Variants in PTPRD observed in about 807,000 individuals in gnomAD.
The protein encoded by PTPRD is protein tyrosine phosphatase receptor type D.
Under a neutral mutation model 214.5 loss-of-function variants are expected in PTPRD, and 34 were observed. The ratio of observed to expected loss-of-function variants is 0.16; its 90% confidence interval spans 0.12 to 0.21. The LOEUF is 0.21. Ranked by LOEUF, PTPRD falls within the 10% of genes least tolerant of loss-of-function variation. The probability of loss-of-function intolerance (pLI) is 1.00; values close to 1 mark genes in which losing one functional copy is unlikely to be tolerated. For synonymous variants in PTPRD, 1,128 were observed against 845.7 expected (o/e 1.33, Z -5.79); for missense variants, 2,545 against 2,398.7 (o/e 1.06, Z -1.27).
In PTPRD at chr9:9,104,800, A is replaced by C. The variant is rs1216885630; in HGVS notation, c.-143+78504T>G. 5.3e-5 allele frequency among the ~76,000 whole-genome samples: 8 copies of C among 152,294 alleles called. No homozygotes were observed. In the East Asian group the frequency reaches 1.5e-3, roughly 29 times the overall value. ...TATCGCTCCACATTCAATGCTAAGC[A>C]CTTTCCTATGCACTCGGGAAACAGG... On this transcript the variant is annotated intron_variant, in intron 10 of 45. Coordinates refer to ENST00000381196, the MANE Select transcript of PTPRD (RefSeq NM_002839.4).
chr9:9,157,700 CT>C (rs1016986430), intron 10 of PTPRD, among the ~76,000 whole-genome samples: 7 of 152,012 alleles, frequency 4.6e-5, no homozygotes, highest in African/African-American at 1.7e-4. Context: ...ATTTTCTTCC[CT>C]TTTCTTTTTT....
Position 10,373,789 on chromosome 9 carries a change from C to T in PTPRD, c.-599-32772G>A, listed in dbSNP as rs374767492. Among the ~76,000 whole-genome samples the T allele has an allele frequency of 1.8e-4, 27 of 152,190 alleles. 1 individual carries two copies. The highest frequency in any genetic ancestry group is 5.5e-4 in the African/African-American group (23 of 41,540). On this transcript the variant is annotated intron_variant, in intron 2 of 45. Transcript: ENST00000381196. ...GTAAAAATCAGAAGATTTGTCAATA[C>T]CAAACCCATGTTTCAACATGTCAAC...
At chr9:8,718,986 C>T (rs1003070620) in intron 12 of PTPRD, among the ~76,000 whole-genome samples, 2 of 152,168 alleles carry the variant, frequency 1.3e-5, no homozygotes, top group Non-Finnish European at 1.5e-5. Context: ...ATAATGTGAT[C>T]AAATTCACCA....
At chr9:9,959,912 G>A (rs929064812) in intron 4 of PTPRD, among the ~76,000 whole-genome samples, 1 of 152,128 alleles carries the variant, frequency 6.6e-6, no homozygotes, top group Non-Finnish European at 1.5e-5. Context: ...TTTACATATA[G>A]AGATATTTTA....
At chr9:9,120,589 T>C (rs185376264) in intron 10 of PTPRD, among the ~76,000 whole-genome samples, 4 of 152,354 alleles carry the variant, frequency 2.6e-5, no homozygotes, top group Admixed American at 2.6e-4. Flanking sequence ...GGTGGTATTC[T>C]ATAAGCTACC....
At chr9:9,704,905 ACT>A (rs1210206353) in intron 7 of PTPRD, among the ~76,000 whole-genome samples, 2 of 152,224 alleles carry the variant, frequency 1.3e-5, no homozygotes, top group African/African-American at 4.8e-5. Context: ...TAATCACTCA[ACT>A]GAGGCCTGTC....
At chr9:8,467,022 T>C (rs898738298) in intron 31 of PTPRD, among the ~76,000 whole-genome samples, 3 of 151,880 alleles carry the variant, frequency 2.0e-5, no homozygotes, top group African/African-American at 7.2e-5. Flanking sequence ...GAGTAGTAAA[T>C]GTGTTCAGCT....
At chr9:8,627,229 A>G (rs375732877) in intron 14 of PTPRD, among the ~76,000 whole-genome samples, 4 of 151,800 alleles carry the variant, frequency 2.6e-5, no homozygotes, top group African/African-American at 9.7e-5. Context: ...TTCCAGGACA[A>G]TATCTTGTAT....
intron 7 of PTPRD, among the ~76,000 whole-genome samples, chr9:9,712,871 A>G (rs1341501597): frequency 6.6e-6 from 1 of 152,212 alleles, no homozygotes; most frequent in East Asian, 1.9e-4. Flanking sequence ...TTAATAGGTT[A>G]TGTTATTGCT....
intron 10 of PTPRD, among the ~76,000 whole-genome samples, chr9:9,037,556 C>G (rs996795385): frequency 6.6e-6 from 1 of 152,170 alleles, no homozygotes; most frequent in East Asian, 1.9e-4. Context: ...AAATTACTCT[C>G]TCAACCGCTA....
chr9:9,484,865 T>A (rs1417649455), intron 8 of PTPRD, among the ~76,000 whole-genome samples: 1 of 152,144 alleles, frequency 6.6e-6, no homozygotes, highest in East Asian at 1.9e-4. Context: ...TAGAGAAGCT[T>A]CATGTAACAG....
rs78832641 is a variant in PTPRD, at chr9:8,899,170, A to G, written c.-104+119527T>C. ...TTTATCTGCTGGGCAGGGCTTATAA[A>G]GCCATCTTGCATTTGCTACAGAGGC... On this transcript the variant is annotated intron_variant, in intron 11 of 45. Coordinates refer to ENST00000381196, the MANE Select transcript of PTPRD (RefSeq NM_002839.4). Among the ~76,000 whole-genome samples, 803 of 152,310 alleles carry G rather than the reference A, an allele frequency of 5.3e-3. 13 individuals are homozygous for G. Among genetic ancestry groups the G allele is most frequent in the African/African-American group, 0.018 (753 of 41,578 alleles).
chr9:8,433,089 G>T (rs564950481), intron 35 of PTPRD, among the ~76,000 whole-genome samples: 5 of 152,172 alleles, frequency 3.3e-5, no homozygotes, highest in Non-Finnish European at 7.3e-5. Flanking sequence ...TGGTTTTATA[G>T]CCATGTGCTG....
At chr9:9,462,484 A>C (rs1015703961) in intron 8 of PTPRD, among the ~76,000 whole-genome samples, 1 of 152,166 alleles carries the variant, frequency 6.6e-6, no homozygotes, top group African/African-American at 2.4e-5. Flanking sequence ...TGCACTTAAA[A>C]TTATTTTAGA....
intron 2 of PTPRD, among the ~76,000 whole-genome samples, chr9:10,351,626 C>A (rs2097184450): frequency 1.3e-5 from 2 of 150,110 alleles, no homozygotes; most frequent in South Asian, 2.1e-4. Context: ...TAATACTGGG[C>A]AATCAGAGGT....
At chr9:10,374,587 T>C (rs981871354) in intron 2 of PTPRD, among the ~76,000 whole-genome samples, 13 of 152,028 alleles carry the variant, frequency 8.6e-5, no homozygotes, top group African/African-American at 3.1e-4. Flanking sequence ...TGAATTGGAA[T>C]TGAATTGGAG....
chr9:8,329,280 TCTCTGCTGTAG>T (rs1219298138), intron 44 of PTPRD, among the ~76,000 whole-genome samples: 2 of 152,242 alleles, frequency 1.3e-5, no homozygotes, highest in Middle Eastern at 3.4e-3. Context: ...CACCCAGGCC[TCTCTGCTGTAG>T]GTTTGCTGGA....
chr9:10,354,051 T>C lies in PTPRD; in HGVS notation c.-599-13034A>G, dbSNP rs1045673069. On this transcript the variant is annotated intron_variant, in intron 2 of 45. Coordinates refer to ENST00000381196, the MANE Select transcript of PTPRD (RefSeq NM_002839.4). ...TAAATATGGAATATTATCAATAAAA[T>C]TTAAATCCACTGTATTGCACTTCCA... is the stretch of plus-strand genomic sequence containing the variant. Among the ~76,000 whole-genome samples, 17 of 152,174 alleles carry C rather than the reference T, an allele frequency of 1.1e-4. No individual in the cohort carries two copies. In the East Asian group the frequency reaches 2.9e-3, roughly 26 times the overall value.
In PTPRD at chr9:9,453,020, A is replaced by ATTT. The variant is rs34378799; in HGVS notation, c.-236-55541_-236-55539dup. On this transcript the variant is annotated intron_variant, in intron 8 of 45. Coordinates refer to ENST00000381196, the MANE Select transcript of PTPRD (RefSeq NM_002839.4). ...GTGACATTTAACTGAAGCCTATTTTATTTTTTTTTTTTGCTCCATATACAT... is the reference window on the plus strand; with the variant it reads ...GTGACATTTAACTGAAGCCTATTTTATTTTTTTTTTTTTTTGCTCCATATACAT... Among the ~76,000 whole-genome samples the ATTT allele has an allele frequency of 2.0e-3, 283 of 144,948 alleles. 1 individual carries two copies. The highest frequency in any genetic ancestry group is 0.012 in the East Asian group (59 of 4,974).
Sources: allele counts gnomAD v4.1 joint callset (sites outside exome capture counted in the v4.1 genomes callset), GRCh38; gene constraint gnomAD v4.1.1; transcripts MANE v1.5; gene names NCBI Gene and HGNC (gene_info 2026-07-23, HGNC 2026-07-21).